The following RWDD4 variants were observed in gnomAD, a reference collection of about 807,000 sequenced individuals.
RWDD4 encodes RWD domain-containing protein 4.
In RWDD4, 16 loss-of-function variants were observed where a neutral mutation model predicts 30.0. That is an observed-to-expected ratio of 0.53 (90% CI 0.36 to 0.81). The LOEUF (loss-of-function observed/expected upper bound fraction) is 0.81. Ranked by LOEUF, RWDD4 falls within the 30% of genes least tolerant of loss-of-function variation. The pLI, the probability that RWDD4 is intolerant of heterozygous loss-of-function variation, is 0.00. For missense variants in RWDD4, 170 were observed against 223.9 expected (o/e 0.76, Z 1.54); for synonymous variants, 45 against 72.1 (o/e 0.62, Z 1.90).
At chr4:183,657,384 T>G (rs2111255803) in intron 1 of RWDD4, among the ~76,000 whole-genome samples, 1 of 152,342 alleles carries the variant, frequency 6.6e-6, no homozygotes, top group East Asian at 1.9e-4. Context: ...ATTTATGACT[T>G]GGACAGGTAC....
At chr4:183,652,974 TCA>T (rs1410670495) in intron 2 of RWDD4, among the ~76,000 whole-genome samples, 1 of 152,162 alleles carries the variant, frequency 6.6e-6, no homozygotes, top group Non-Finnish European at 1.5e-5. Flanking sequence ...TCTTCCTGCC[TCA>T]GCCTCCCAAA....
At position 183,651,330 on chromosome 4, in the gene RWDD4, G is replaced by A. The variant is rs1226704197; in HGVS notation, c.106-3C>T. 1 of 1,598,046 alleles carries A rather than the reference G, an allele frequency of 6.3e-7. No homozygotes were observed. The highest frequency in any genetic ancestry group is 1.7e-5 in the Admixed American group (1 of 59,566). ...TTGGGATCACCATTTTCACCTATCT[G>A]AAGAGAAGGGGAAATCTTAGGCTTG... On this transcript the variant is annotated splice_region_variant and splice_polypyrimidine_tract_variant and intron_variant, in intron 2 of 7. Coordinates refer to ENST00000326397, the MANE Select transcript of RWDD4 (RefSeq NM_152682.4).
At chr4:183,658,851 C>T in intron 1 of RWDD4, 78 bp downstream of exon 1, 13 of 1,175,012 alleles carry the variant, frequency 1.1e-5, no homozygotes, top group Non-Finnish European at 1.4e-5. Context: ...GCAGGCTGTC[C>T]GGGCACCAGG....
intron 2 of RWDD4, among the ~76,000 whole-genome samples, chr4:183,655,130 A>G (rs1195806280): frequency 6.6e-6 from 1 of 151,640 alleles, no homozygotes; most frequent in Admixed American, 6.6e-5. Flanking sequence ...TAGTAGAGAC[A>G]GGGTTTCACC....
chr4:183,654,068 C>T (rs1734135753), intron 2 of RWDD4, among the ~76,000 whole-genome samples: 1 of 151,958 alleles, frequency 6.6e-6, no homozygotes, highest in African/African-American at 2.4e-5. Context: ...AATAATGGAC[C>T]TGAGGTGAGA....
At chr4:183,643,840 C>T (rs894970871) in intron 7 of RWDD4, among the ~76,000 whole-genome samples, 46 of 152,246 alleles carry the variant, frequency 3.0e-4, no homozygotes, top group African/African-American at 1.1e-3. Context: ...ATCACTTGAA[C>T]CCAGAAGGTG....
chr4:183,653,978 G>A (rs1413455934), intron 2 of RWDD4, among the ~76,000 whole-genome samples: 1 of 152,198 alleles, frequency 6.6e-6, no homozygotes, highest in Non-Finnish European at 1.5e-5. Flanking sequence ...TTCAAAGTCA[G>A]AGCAGAGACA....
At chr4:183,645,926 G>A (rs1445831936) in intron 7 of RWDD4, among the ~76,000 whole-genome samples, 1 of 151,842 alleles carries the variant, frequency 6.6e-6, no homozygotes, top group Non-Finnish European at 1.5e-5. Context: ...TTTTTGAGAT[G>A]GAGTCTCACT....
chr4:183,650,958 C>T (rs180768862), intron 4 of RWDD4, 26 bp downstream of exon 4: 202 of 1,586,040 alleles, frequency 1.3e-4, no homozygotes, highest in Admixed American at 4.4e-4. Context: ...CAAAAGAATC[C>T]GGCAAAAAAA....
chr4:183,655,154 T>C (rs1186001316), intron 2 of RWDD4, among the ~76,000 whole-genome samples: 1 of 152,062 alleles, frequency 6.6e-6, no homozygotes, highest in African/African-American at 2.4e-5. Flanking sequence ...TTGGCCAGGC[T>C]GGTCTAGAAC....
At chr4:183,644,552 G>C (rs1386512228) in intron 7 of RWDD4, among the ~76,000 whole-genome samples, 1 of 152,206 alleles carries the variant, frequency 6.6e-6, no homozygotes, top group Non-Finnish European at 1.5e-5. Context: ...AGAGGTGAGG[G>C]GGGATCGCTT....
intron 7 of RWDD4, 68 bp downstream of exon 7, chr4:183,646,283 A>T (rs1733964365): frequency 8.9e-6 from 7 of 782,136 alleles, no homozygotes; most frequent in African/African-American, 3.5e-5. Context: ...TTACTTAAAA[A>T]AAAAAAAGAT....
intron 2 of RWDD4, 57 bp from the exon 3 acceptor site, chr4:183,651,384 A>G (rs1478558825): frequency 8.2e-7 from 1 of 1,223,152 alleles, no homozygotes; most frequent in Non-Finnish European, 1.2e-6. Context: ...CAGAAAACTA[A>G]ATTATAATCT....
chr4:183,650,293 A>G (rs1734049362), intron 4 of RWDD4, among the ~76,000 whole-genome samples: 1 of 152,160 alleles, frequency 6.6e-6, no homozygotes, highest in Non-Finnish European at 1.5e-5. Context: ...ACCACCCTCC[A>G]CTGCTCCTCC....
intron 5 of RWDD4, among the ~76,000 whole-genome samples, chr4:183,649,242 C>T (rs1013569532): frequency 3.9e-5 from 6 of 151,932 alleles, no homozygotes; most frequent in African/African-American, 1.2e-4. Context: ...GGTGAAACCC[C>T]GTCTCTACTA....
Position 183,650,784 on chromosome 4 carries a change from A to C in RWDD4, c.363+200T>G, listed in dbSNP as rs572362527. On this transcript the variant is annotated intron_variant, in intron 4 of 7. Transcript: ENST00000326397. Reference sequence around the variant, plus strand: ...ATATTCTAGTCTTTGATAAAGGATAAAAATCTAGAGAATATAATATCATTT... The same window carrying C: ...ATATTCTAGTCTTTGATAAAGGATACAAATCTAGAGAATATAATATCATTT... Among the ~76,000 whole-genome samples, 5 of 152,324 alleles carry C rather than the reference A, an allele frequency of 3.3e-5. No homozygotes were observed. In the South Asian group the frequency reaches 8.3e-4, roughly 25 times the overall value.
At chr4:183,655,116 T>C (rs745808643) in intron 2 of RWDD4, among the ~76,000 whole-genome samples, 1 of 151,574 alleles carries the variant, frequency 6.6e-6, no homozygotes, top group Non-Finnish European at 1.5e-5. Context: ...AATTTTTGTA[T>C]TTTTAGTAGA....
At chr4:183,646,033 A>C (rs559924611) in intron 7 of RWDD4, among the ~76,000 whole-genome samples, 1 of 152,248 alleles carries the variant, frequency 6.6e-6, no homozygotes, top group Admixed American at 6.5e-5. Flanking sequence ...CCTCCTGAGT[A>C]GTTGGGACTA....
Position 183,647,531 on chromosome 4 carries a change from A to T in RWDD4, c.482-994T>A, listed in dbSNP as rs201409080. Among the ~76,000 whole-genome samples, 7 of 152,332 alleles carry T rather than the reference A, an allele frequency of 4.6e-5. No individual in the cohort carries two copies. The East Asian group carries it at 1.3e-3, about 29-fold the overall frequency. ...CCATTAAAATTTTATTTAGAATGAA[A>T]GCTCCAAGTCACAAACTCGTATACT... is the stretch of plus-strand genomic sequence containing the variant. On this transcript the variant is annotated intron_variant, in intron 5 of 7. Transcript: ENST00000326397.
Sources: gnomAD v4.1 joint callset for allele counts (sites outside exome capture counted in the v4.1 genomes callset) on GRCh38, gnomAD v4.1.1 for gene constraint, MANE v1.5 for transcripts, NCBI Gene and HGNC (gene_info 2026-07-23, HGNC 2026-07-21) for gene names.